SRD5A2: variants seen among roughly 807,000 people sequenced by gnomAD.
SRD5A2 encodes steroid 5 alpha-reductase 2.
In SRD5A2, 30 loss-of-function variants were observed where a neutral mutation model predicts 27.4. That is an observed-to-expected ratio of 1.10 (90% CI 0.82 to 1.49). The LOEUF is 1.49. SRD5A2 is among the 40% of genes most tolerant of loss of function. The pLI, the probability that SRD5A2 is intolerant of heterozygous loss-of-function variation, is 0.00. For synonymous variants in SRD5A2, 141 were observed against 133.6 expected (o/e 1.06, Z -0.38); for missense variants, 348 against 323.4 (o/e 1.08, Z -0.58).
At chr2:31,599,073 T>C in the SRD5A2 span, among the ~76,000 whole-genome samples, 1 of 151,902 alleles carries the variant, frequency 6.6e-6, no homozygotes, top group Non-Finnish European at 1.5e-5. Flanking sequence ...ACAAAGATGG[T>C]CATTATATAA....
chr2:31,655,649 G>A, the SRD5A2 span, among the ~76,000 whole-genome samples: 3 of 152,104 alleles, frequency 2.0e-5, no homozygotes, highest in Admixed American at 6.6e-5. Flanking sequence ...AAGATAAATC[G>A]TCCCACTCGT....
At chr2:31,618,343 G>A in the SRD5A2 span, among the ~76,000 whole-genome samples, 1 of 151,880 alleles carries the variant, frequency 6.6e-6, no homozygotes, top group African/African-American at 2.4e-5. Context: ...GTATCCAAAG[G>A]AAATAAAACT....
chr2:31,534,371 T>A (rs1456799525), intron 1 of SRD5A2, among the ~76,000 whole-genome samples: 1 of 152,146 alleles, frequency 6.6e-6, no homozygotes, highest in Non-Finnish European at 1.5e-5. Context: ...TAATATTTAC[T>A]CATTGTGGGG....
the SRD5A2 span, among the ~76,000 whole-genome samples, chr2:31,605,943 T>C: frequency 2.0e-5 from 3 of 151,926 alleles, no homozygotes; most frequent in African/African-American, 7.2e-5. Context: ...GTGGGACATA[T>C]ACACAATGAA....
the SRD5A2 span, among the ~76,000 whole-genome samples, chr2:31,624,588 A>G: frequency 6.6e-6 from 1 of 151,770 alleles, no homozygotes; most frequent in Non-Finnish European, 1.5e-5. Context: ...ATTCCCACCT[A>G]TGAGTGAGAA....
chr2:31,579,782 C>T (rs1392665350), intron 1 of SRD5A2, among the ~76,000 whole-genome samples: 1 of 152,224 alleles, frequency 6.6e-6, no homozygotes, highest in East Asian at 1.9e-4. Context: ...TTTACTGAGG[C>T]TGGACAGTCT....
At chr2:31,636,589 A>G in the SRD5A2 span, among the ~76,000 whole-genome samples, 1 of 152,056 alleles carries the variant, frequency 6.6e-6, no homozygotes, top group Non-Finnish European at 1.5e-5. Flanking sequence ...CATTTTCCCC[A>G]TGAGTATGAT....
At chr2:31,658,887 A>G in the SRD5A2 span, among the ~76,000 whole-genome samples, 5,600 of 152,214 alleles carry the variant, frequency 0.037, 153 homozygotes, top group Non-Finnish European at 0.055. Flanking sequence ...TCATTCTGCT[A>G]CTGAAACCTG....
At chr2:31,649,600 A>G in the SRD5A2 span, among the ~76,000 whole-genome samples, 2 of 152,162 alleles carry the variant, frequency 1.3e-5, no homozygotes, top group African/African-American at 4.8e-5. Flanking sequence ...TAACTTTTTT[A>G]TAATGAATAC....
chr2:31,643,892 A>G, the SRD5A2 span, among the ~76,000 whole-genome samples: 1 of 152,254 alleles, frequency 6.6e-6, no homozygotes, highest in Non-Finnish European at 1.5e-5. Context: ...TAGAATAGCA[A>G]CTAATAATTA....
intron 1 of SRD5A2, among the ~76,000 whole-genome samples, chr2:31,565,190 A>G (rs182750724): frequency 3.1e-4 from 47 of 152,088 alleles, no homozygotes; most frequent in African/African-American, 1.1e-3. Context: ...TAAGCAAATT[A>G]ACAAAAGAGT....
At chr2:31,609,178 T>C in the SRD5A2 span, among the ~76,000 whole-genome samples, 2 of 152,094 alleles carry the variant, frequency 1.3e-5, no homozygotes, top group African/African-American at 4.8e-5. Context: ...ACACAGTCTA[T>C]GATATTTGGT....
At chr2:31,582,816 C>A (rs775386662), upstream of SRD5A2, among the ~76,000 whole-genome samples, 2 of 152,116 alleles carry the variant, frequency 1.3e-5, no homozygotes, top group Non-Finnish European at 2.9e-5. Context: ...TCCTCAATTG[C>A]CATAGCCTCC....
chr2:31,560,561 T>C (rs944136157), intron 1 of SRD5A2, among the ~76,000 whole-genome samples: 1 of 152,250 alleles, frequency 6.6e-6, no homozygotes, highest in African/African-American at 2.4e-5. Context: ...TTGCCCAATA[T>C]AGGCCCCTGA....
chr2:31,645,922 A>T, the SRD5A2 span, among the ~76,000 whole-genome samples: 1 of 152,008 alleles, frequency 6.6e-6, no homozygotes, highest in Non-Finnish European at 1.5e-5. Flanking sequence ...CTTCTTTACC[A>T]TGGGGTACCT....
At chr2:31,623,404 T>G in the SRD5A2 span, among the ~76,000 whole-genome samples, 1 of 152,080 alleles carries the variant, frequency 6.6e-6, no homozygotes, top group African/African-American at 2.4e-5. Flanking sequence ...TATTCCAATA[T>G]CAAATGCAAA....
chr2:31,551,356 GCTC>G (rs998850663), intron 1 of SRD5A2, among the ~76,000 whole-genome samples: 4 of 152,020 alleles, frequency 2.6e-5, no homozygotes, highest in African/African-American at 9.7e-5. Flanking sequence ...ATGTACACAT[GCTC>G]CTCAACTTAC....
At position 31,570,125 on chromosome 2, in the gene SRD5A2, C is replaced by T. The variant is rs372974741; in HGVS notation, c.281+10495G>A. Among the ~76,000 whole-genome samples, 5 of 152,070 alleles carry T rather than the reference C, an allele frequency of 3.3e-5. No homozygotes were observed. The South Asian group carries it at 1.0e-3, about 32-fold the overall frequency. ...CCTGATGAACATCAGGGCAAAAATC[C>T]CTAACAAAACACTGGCAAACTTAAT... On this transcript the variant is annotated intron_variant, in intron 1 of 4. Transcript: ENST00000622030.
chr2:31,637,928 A>C, the SRD5A2 span, among the ~76,000 whole-genome samples: 1 of 151,966 alleles, frequency 6.6e-6, no homozygotes, highest in Non-Finnish European at 1.5e-5. Flanking sequence ...AATTGCATTT[A>C]TATTTGCTCT....
Sources: gnomAD v4.1 joint callset for allele counts (sites outside exome capture counted in the v4.1 genomes callset) on GRCh38, gnomAD v4.1.1 for gene constraint, MANE v1.5 for transcripts, NCBI Gene and HGNC (gene_info 2026-07-23, HGNC 2026-07-21) for gene names.